The following PFKFB3 variants were observed in gnomAD, a reference collection of about 807,000 sequenced individuals.
The protein encoded by PFKFB3 is 6-phosphofructo-2-kinase/fructose-2,6-biphosphatase 3.
In PFKFB3, 33 loss-of-function variants were observed where a neutral mutation model predicts 68.0. That is an observed-to-expected ratio of 0.49 (90% CI 0.37 to 0.65). The LOEUF (loss-of-function observed/expected upper bound fraction) is 0.65, where lower values mean the gene tolerates loss of function less well. Ranked by LOEUF, PFKFB3 falls within the 30% of genes least tolerant of loss-of-function variation. The probability of loss-of-function intolerance (pLI) is 0.00; values close to 1 mark genes in which losing one functional copy is unlikely to be tolerated. For missense variants in PFKFB3, 586 were observed against 712.2 expected (o/e 0.82, Z 2.02); for synonymous variants, 315 against 288.2 (o/e 1.09, Z -0.94).
the PFKFB3 span, among the ~76,000 whole-genome samples, chr10:6,260,568 A>G: frequency 6.6e-6 from 1 of 152,092 alleles, no homozygotes; most frequent in Non-Finnish European, 1.5e-5. Context: ...TTATAGTTTT[A>G]CCATCTAAGC....
the PFKFB3 span, among the ~76,000 whole-genome samples, chr10:6,322,639 AT>A: frequency 3.9e-5 from 6 of 152,210 alleles, no homozygotes; most frequent in Admixed American, 3.9e-4. Flanking sequence ...AGTAACACTG[AT>A]GTCCTTTTCA....
chr10:6,187,578 A>G (rs146377137), intron 1 of PFKFB3, among the ~76,000 whole-genome samples: 1 of 152,350 alleles, frequency 6.6e-6, no homozygotes, highest in Non-Finnish European at 1.5e-5. Context: ...TTTCGTTGTC[A>G]GCAAATGGAA....
chr10:6,208,776 C>T (rs2131900647), intron 1 of PFKFB3, among the ~76,000 whole-genome samples: 1 of 152,258 alleles, frequency 6.6e-6, no homozygotes, highest in East Asian at 1.9e-4. Flanking sequence ...CCGGGGGTGC[C>T]AGCCTCTCAC....
At chr10:6,161,644 AGAG>A (rs1564590064) in intron 1 of PFKFB3, among the ~76,000 whole-genome samples, 1 of 141,468 alleles carries the variant, frequency 7.1e-6, no homozygotes, top group Non-Finnish European at 1.6e-5. Context: ...ATATAGAGAG[AGAG>A]AGAGAGAGAG....
At chr10:6,209,765 C>CTT (rs56822740) in intron 1 of PFKFB3, among the ~76,000 whole-genome samples, 84,394 of 121,092 alleles carry the variant, frequency 0.7, 30,600 homozygotes, top group East Asian at 0.86. Context: ...CTTACCTTTT[C>CTT]TTTTTTTTTT....
chr10:6,148,813 C>A (rs1841483953), intron 1 of PFKFB3, among the ~76,000 whole-genome samples: 1 of 152,148 alleles, frequency 6.6e-6, no homozygotes, highest in African/African-American at 2.4e-5. Flanking sequence ...TGTGGTGGCT[C>A]ATGCCTGTAA....
intron 1 of PFKFB3, among the ~76,000 whole-genome samples, chr10:6,169,010 G>A (rs190753658): frequency 1.0e-5 from 1 of 96,250 alleles, no homozygotes; most frequent in Admixed American, 9.9e-5. Context: ...AGGCTGGAGT[G>A]CACTGGTCAC....
At chr10:6,166,709 C>A (rs951927405) in intron 1 of PFKFB3, among the ~76,000 whole-genome samples, 1 of 152,096 alleles carries the variant, frequency 6.6e-6, no homozygotes, top group African/African-American at 2.4e-5. Context: ...TAACAAGGGG[C>A]CCAGGTGCCC....
chr10:6,175,742 C>T (rs940168110), intron 1 of PFKFB3, among the ~76,000 whole-genome samples: 1 of 152,176 alleles, frequency 6.6e-6, no homozygotes, highest in African/African-American at 2.4e-5. Flanking sequence ...CCAAATGGCC[C>T]GTAAGCATAG....
chr10:6,222,196 C>T (rs1460357550), intron 10 of PFKFB3, among the ~76,000 whole-genome samples: 1 of 152,172 alleles, frequency 6.6e-6, no homozygotes, highest in African/African-American at 2.4e-5. Flanking sequence ...GTGCCTCAGG[C>T]CCCTGCAGGC....
At chr10:6,179,204 T>C (rs1388209489) in intron 1 of PFKFB3, among the ~76,000 whole-genome samples, 2 of 152,242 alleles carry the variant, frequency 1.3e-5, no homozygotes, top group South Asian at 2.1e-4. Context: ...ATTCAGTTAT[T>C]GGTCCGAGGT....
At chr10:6,236,606 C>T (rs1158994845), downstream of PFKFB3, among the ~76,000 whole-genome samples, 1 of 152,202 alleles carries the variant, frequency 6.6e-6, no homozygotes, top group African/African-American at 2.4e-5. Context: ...CGGGGCAGAG[C>T]GTTCTGGGGA....
In PFKFB3 at chr10:6,221,727, C is replaced by T; in HGVS notation, c.1065C>T (p.Tyr355=). 1 of 1,603,098 alleles carries T rather than the reference C, an allele frequency of 6.2e-7. No individual in the cohort carries two copies. The highest frequency in any genetic ancestry group is 8.5e-7 in the Non-Finnish European group (1 of 1,175,934). ...YALREQDKYY[Y]RYPTGESYQD... ...TGCGGGAGCAGGACAAGTACTATTACCGCTACCCCACCGGGGAGGTGAGCG... is the reference window on the plus strand; with the variant it reads ...TGCGGGAGCAGGACAAGTACTATTATCGCTACCCCACCGGGGAGGTGAGCG... Residue 355 remains tyrosine, a synonymous_variant, in exon 10 of 15, where the codon TAC becomes TAT. Coordinates refer to ENST00000379775, the MANE Select transcript of PFKFB3 (RefSeq NM_004566.4).
At chr10:6,177,453 TTTCTTTC>T (rs1842548139) in intron 1 of PFKFB3, among the ~76,000 whole-genome samples, 1 of 113,842 alleles carries the variant, frequency 8.8e-6, no homozygotes, top group African/African-American at 2.9e-5. Flanking sequence ...TCTTTCTTTC[TTTCTTTC>T]TTTCTTTCTT....
At chr10:6,199,630 G>A (rs1843268173), upstream of PFKFB3, among the ~76,000 whole-genome samples, 1 of 148,544 alleles carries the variant, frequency 6.7e-6, no homozygotes, top group East Asian at 1.9e-4. Flanking sequence ...GACCACAGGT[G>A]CGAGCCACCA....
At chr10:6,242,150 C>A (rs961240326) in intron 14 of PFKFB3, among the ~76,000 whole-genome samples, 1 of 152,102 alleles carries the variant, frequency 6.6e-6, no homozygotes, top group South Asian at 2.1e-4. Context: ...GGCCCTTATT[C>A]GTGAGTTTCA....
rs1052724976 is a variant in PFKFB3, at chr10:6,220,921, A to G, written c.831+56A>G. 21 of 1,471,812 alleles carry G rather than the reference A, an allele frequency of 1.4e-5. No individual in the cohort carries two copies. The highest frequency in any genetic ancestry group is 3.4e-4 in the Middle Eastern group (2 of 5,824). 91.2% of individuals were successfully genotyped at this position (1,471,812 alleles called of 1,614,324 possible). A position where few individuals can be genotyped will look rare whatever the true frequency, so the allele number is the denominator to read the frequency against. On this transcript the variant is annotated intron_variant, in intron 8 of 14. Coordinates refer to ENST00000379775, the MANE Select transcript of PFKFB3 (RefSeq NM_004566.4). This position sits in a 1 kb window ranked among gnomAD's most constrained non-coding sequence, Gnocchi z 4.1. The stretch of plus-strand genomic sequence containing the variant: ...TGGCTGTAGGGCGGTTGCAGGGTCT[A>G]TAGGGTGGGTGGGGAGCTGTGTGCT...
intron 3 of PFKFB3, 97 bp from the exon 4 acceptor site, chr10:6,216,027 AC>A: frequency 9.3e-7 from 1 of 1,071,648 alleles, no homozygotes. Flanking sequence ...GAATGGAACC[AC>A]CAGTTACTCT....
chr10:6,213,875 C>A (rs2794982), intron 2 of PFKFB3, 127 bp downstream of exon 2: 173,632 of 947,746 alleles, frequency 0.18, 16,972 homozygotes, highest in African/African-American at 0.28. Flanking sequence ...TCTGATCCTG[C>A]CTCCCATGCA....
Sources: gnomAD v4.1 joint callset for allele counts (sites outside exome capture counted in the v4.1 genomes callset) on GRCh38, gnomAD v4.1.1 for gene constraint, Gnocchi (gnomAD v3.1) non-coding constraint, MANE v1.5 for transcripts, NCBI Gene and HGNC (gene_info 2026-07-23, HGNC 2026-07-21) for gene names.